Variants in ELF2 observed in about 807,000 individuals in gnomAD.
The protein encoded by ELF2 is ETS-related transcription factor Elf-2.
In ELF2, 11 loss-of-function variants were observed where a neutral mutation model predicts 54.8. That is an observed-to-expected ratio of 0.20 (90% CI 0.13 to 0.33). The LOEUF (loss-of-function observed/expected upper bound fraction) is 0.33. ELF2 is among the 10% of genes least tolerant of loss of function. The pLI is 1.00. For synonymous variants in ELF2, 203 were observed against 245.1 expected (o/e 0.83, Z 1.61); for missense variants, 513 against 703.0 (o/e 0.73, Z 3.06).
chr4:139,078,574 CT>C (rs35529764), intron 4 of ELF2, among the ~76,000 whole-genome samples: 34,077 of 135,366 alleles, frequency 0.25, 3,995 homozygotes, highest in African/African-American at 0.28. Context: ...AATGGCAATT[CT>C]TTTTTTTTTT....
chr4:139,083,524 GGAAT>G, intron 4 of ELF2, among the ~76,000 whole-genome samples: 1 of 152,206 alleles, frequency 6.6e-6, no homozygotes, highest in Admixed American at 6.5e-5. Context: ...GCATAAGGTG[GGAAT>G]GTGCGGAGGA....
intron 3 of ELF2, 159 bp downstream of exon 3, chr4:139,137,471 T>A: frequency 2.8e-6 from 2 of 711,766 alleles, no homozygotes; most frequent in Non-Finnish European, 2.3e-6. Flanking sequence ...TTCCTTGACC[T>A]TCTATTACCT....
At chr4:139,063,496 T>C (rs1351258264) in intron 7 of ELF2, among the ~76,000 whole-genome samples, 1 of 152,140 alleles carries the variant, frequency 6.6e-6, no homozygotes, top group East Asian at 1.9e-4. Context: ...ACACTACTAG[T>C]AAAATTTTAA....
intron 4 of ELF2, among the ~76,000 whole-genome samples, chr4:139,082,066 G>C (rs571032358): frequency 6.6e-6 from 1 of 152,170 alleles, no homozygotes; most frequent in South Asian, 2.1e-4. Flanking sequence ...ACTCCAAGGA[G>C]AATACCTACA....
chr4:139,093,780 G>C (rs1401549598), intron 4 of ELF2, among the ~76,000 whole-genome samples: 1 of 151,886 alleles, frequency 6.6e-6, no homozygotes, highest in Non-Finnish European at 1.5e-5. Flanking sequence ...ACAATTTCAA[G>C]TTGAAACTTC....
intron 4 of ELF2, among the ~76,000 whole-genome samples, chr4:139,075,043 G>A (rs760163227): frequency 8.5e-5 from 13 of 152,222 alleles, no homozygotes; most frequent in African/African-American, 3.1e-4. Flanking sequence ...AATTAACCTC[G>A]CTCTCTTCAG....
chr4:139,141,281 G>T (rs1222544813), intron 1 of ELF2, among the ~76,000 whole-genome samples: 1 of 152,106 alleles, frequency 6.6e-6, no homozygotes, highest in East Asian at 1.9e-4. Flanking sequence ...GAGTTCTCAG[G>T]TTCCCTTCAT....
chr4:139,097,306 T>C (rs993711378), intron 4 of ELF2, among the ~76,000 whole-genome samples: 4 of 152,126 alleles, frequency 2.6e-5, no homozygotes, highest in Admixed American at 1.3e-4. Flanking sequence ...ATTACAGGTG[T>C]GCACCCACAC....
At chr4:139,081,751 T>C (rs1183437045) in intron 4 of ELF2, among the ~76,000 whole-genome samples, 1 of 152,182 alleles carries the variant, frequency 6.6e-6, no homozygotes, top group African/African-American at 2.4e-5. Flanking sequence ...GGGCCATCTT[T>C]CCTCCCTAAC....
At chr4:139,156,065 G>C (rs1215156903) in intron 1 of ELF2, among the ~76,000 whole-genome samples, 1 of 152,180 alleles carries the variant, frequency 6.6e-6, no homozygotes, top group Non-Finnish European at 1.5e-5. Flanking sequence ...TTCATTTCAA[G>C]AGTCTCATAC....
intron 1 of ELF2, among the ~76,000 whole-genome samples, chr4:139,170,731 T>TATTAC (rs1266233559): frequency 1.4e-5 from 2 of 147,642 alleles, no homozygotes; most frequent in East Asian, 3.9e-4. Context: ...TATTATATTA[T>TATTAC]ATTATATTAA....
intron 3 of ELF2, among the ~76,000 whole-genome samples, chr4:139,127,871 A>G (rs536657873): frequency 2.0e-5 from 3 of 151,952 alleles, no homozygotes; most frequent in Admixed American, 2.0e-4. Flanking sequence ...AGGCTGAGGC[A>G]TGAGAATTGC....
In ELF2 at chr4:139,132,863, TATATATATATAA is replaced by T. The variant is rs1363385622; in HGVS notation, c.72+4755_72+4766del. 2.1e-5 allele frequency among the ~76,000 whole-genome samples: 3 copies of T among 141,206 alleles called. No homozygotes were observed. The East Asian group carries it at 6.2e-4, about 29-fold the overall frequency. 92.6% of individuals were successfully genotyped at this position (141,206 alleles called of 152,430 possible). A position where few individuals can be genotyped will look rare whatever the true frequency, so the allele number is the denominator to read the frequency against. On this transcript the variant is annotated intron_variant, in intron 3 of 9. Coordinates refer to ENST00000686138, the MANE Select transcript of ELF2 (RefSeq NM_001331036.3). ...TTACATATATATATATATATATATA[TATATATATATAA>T]AATATGTAATTTTTTTTTTTGGTGG... is the stretch of plus-strand genomic sequence containing the variant.
chr4:139,065,920 C>T (rs1728630296), intron 7 of ELF2: 1 of 150,400 alleles, frequency 6.6e-6, no homozygotes, highest in African/African-American at 2.4e-5. Flanking sequence ...TAGAAGTGTA[C>T]AACAACCAAA....
At chr4:139,141,606 ACTAGT>A (rs1027521200) in intron 1 of ELF2, among the ~76,000 whole-genome samples, 1 of 152,184 alleles carries the variant, frequency 6.6e-6, no homozygotes, top group African/African-American at 2.4e-5. Flanking sequence ...GACCAGGTAG[ACTAGT>A]CTAGTCACCT....
chr4:139,147,532 C>G (rs780658961), intron 1 of ELF2, among the ~76,000 whole-genome samples: 1 of 152,142 alleles, frequency 6.6e-6, no homozygotes, highest in African/African-American at 2.4e-5. Flanking sequence ...AGAGCAGTGG[C>G]GCGATCTCGG....
chr4:139,118,025 ATGAGACTTAAGTATGAC>A (rs1426988887), intron 4 of ELF2: 1 of 157,734 alleles, frequency 6.3e-6, no homozygotes, highest in African/African-American at 2.4e-5. Context: ...GATTTTTAAA[ATGAGACTTAAGTATGAC>A]TTTACATAGA....
intron 1 of ELF2, among the ~76,000 whole-genome samples, chr4:139,164,044 AGGGGTGAGAGAGAAAGAGTG>A (rs1380640170): frequency 2.8e-5 from 4 of 144,132 alleles, no homozygotes; most frequent in East Asian, 4.6e-4. Context: ...GAAGGGAGGC[AGGGGTGAGAGAGAAAGAGTG>A]GGGGTGAGAG....
chr4:139,132,909 G>A (rs1219452964), intron 3 of ELF2, among the ~76,000 whole-genome samples: 1 of 146,332 alleles, frequency 6.8e-6, no homozygotes, highest in African/African-American at 2.6e-5. Context: ...GGGGGTGAGG[G>A]AGAGACGAAG....
Sources: allele counts gnomAD v4.1 joint callset (sites outside exome capture counted in the v4.1 genomes callset), GRCh38; gene constraint gnomAD v4.1.1; transcripts MANE v1.5; gene names NCBI Gene and HGNC (gene_info 2026-07-23, HGNC 2026-07-21).